The following LCLAT1 variants were observed in gnomAD, a reference collection of about 807,000 sequenced individuals.
LCLAT1 encodes lysocardiolipin acyltransferase 1.
A neutral mutation model predicts 30.7 loss-of-function variants in LCLAT1; 11 were observed. The ratio of observed to expected loss-of-function variants is 0.36; its 90% CI spans 0.23 to 0.59. LCLAT1 has a LOEUF of 0.59. Ranked by LOEUF, LCLAT1 falls within the 20% of genes least tolerant of loss-of-function variation. LCLAT1 has a pLI of 0.77. For missense variants in LCLAT1, 402 were observed against 458.6 expected, an observed-to-expected ratio of 0.88 and a Z score of 1.13; for synonymous variants, 155 against 151.3, an observed-to-expected ratio of 1.02 and a Z score of -0.18.
chr2:30,495,320 C>A (rs76922771), intron 1 of LCLAT1, among the ~76,000 whole-genome samples: 16,365 of 152,046 alleles, frequency 0.11, 1,161 homozygotes, highest in South Asian at 0.22. Flanking sequence ...AAAGGACCTT[C>A]AAGATCATCT....
rs375069411 is a variant in LCLAT1 at position 30,533,186 on chromosome 2, G to C, written c.236G>C (p.Ser79Thr). The stretch of plus-strand genomic sequence containing the variant: ...GATGCATTTGTTCCTGGAGAAAGAA[G>C]TGTCATTATCATGAACCATCGGACA... ...TGDAFVPGER[S>T]VIIMNHRTRM... The change falls in exon 3 of 6, where the codon AGT becomes ACT. Residue 79 changes from serine to threonine, a missense_variant. Coordinates refer to ENST00000379509, the MANE Select transcript of LCLAT1 (RefSeq NM_001002257.3). 8 of 1,614,050 alleles carry C rather than the reference G, an allele frequency of 5.0e-6. No homozygotes were observed. The African/African-American group carries it at 1.1e-4, about 22-fold the overall frequency.
intron 5 of LCLAT1, among the ~76,000 whole-genome samples, chr2:30,590,602 A>C (rs1666647516): frequency 6.6e-6 from 1 of 150,776 alleles, no homozygotes; most frequent in African/African-American, 2.4e-5. Flanking sequence ...ACGGAAATGA[A>C]GAAGCAAATT....
intron 1 of LCLAT1, among the ~76,000 whole-genome samples, chr2:30,464,340 T>A (rs1682315462): frequency 6.6e-6 from 1 of 152,212 alleles, no homozygotes; most frequent in Admixed American, 6.5e-5. Context: ...ATGAAACTGC[T>A]TGATTCTGGA....
At chr2:30,539,723 G>A (rs1664037482) in intron 3 of LCLAT1, among the ~76,000 whole-genome samples, 1 of 152,198 alleles carries the variant, frequency 6.6e-6, no homozygotes, top group South Asian at 2.1e-4. Flanking sequence ...TTCAACTCGG[G>A]TATAATTTCA....
intron 1 of LCLAT1, among the ~76,000 whole-genome samples, chr2:30,477,618 C>T (rs974647033): frequency 2.0e-5 from 3 of 152,136 alleles, no homozygotes; most frequent in South Asian, 2.1e-4. Flanking sequence ...TTCACTTCTG[C>T]GCATACCTAA....
At chr2:30,518,216 A>G (rs1305806475) in intron 1 of LCLAT1, among the ~76,000 whole-genome samples, 1 of 152,188 alleles carries the variant, frequency 6.6e-6, no homozygotes. Context: ...AATTCCCTTA[A>G]CCCAGCAGAT....
intron 1 of LCLAT1, among the ~76,000 whole-genome samples, chr2:30,465,710 A>G (rs887998323): frequency 4.6e-5 from 7 of 152,234 alleles, no homozygotes; most frequent in African/African-American, 1.7e-4. Flanking sequence ...CCTCAATAGT[A>G]AAGTTAATAA....
intron 5 of LCLAT1, among the ~76,000 whole-genome samples, chr2:30,602,047 G>C (rs940469846): frequency 1.3e-5 from 2 of 152,034 alleles, no homozygotes; most frequent in African/African-American, 4.8e-5. Flanking sequence ...CTTTCCTTTT[G>C]TTAGGTAGGA....
At chr2:30,557,275 G>C (rs1664964708) in intron 3 of LCLAT1, among the ~76,000 whole-genome samples, 1 of 139,046 alleles carries the variant, frequency 7.2e-6, no homozygotes, top group South Asian at 2.3e-4. Context: ...CAGTGTAGAA[G>C]GTATGATCGT....
intron 5 of LCLAT1, among the ~76,000 whole-genome samples, chr2:30,604,826 C>G (rs1345006122): frequency 6.6e-6 from 1 of 152,134 alleles, no homozygotes; most frequent in Non-Finnish European, 1.5e-5. Flanking sequence ...TTTTAGAGGA[C>G]AAACTAAGGA....
intron 2 of LCLAT1, among the ~76,000 whole-genome samples, chr2:30,531,274 A>G (rs1313705495): frequency 2.0e-5 from 3 of 152,140 alleles, no homozygotes; most frequent in African/African-American, 7.2e-5. Context: ...CAAAAGAAAA[A>G]AAAGAAAAAG....
At chr2:30,598,221 A>T (rs1667014231) in intron 5 of LCLAT1, among the ~76,000 whole-genome samples, 1 of 152,078 alleles carries the variant, frequency 6.6e-6, no homozygotes, top group African/African-American at 2.4e-5. Context: ...AAATGGTACC[A>T]GCTCCTTTTT....
At chr2:30,498,522 C>G (rs1401076604) in intron 1 of LCLAT1, among the ~76,000 whole-genome samples, 1 of 152,150 alleles carries the variant, frequency 6.6e-6, no homozygotes, top group Non-Finnish European at 1.5e-5. Context: ...GACATGGGCT[C>G]TTTCTTATCT....
chr2:30,533,333 A>G lies in LCLAT1; in HGVS notation c.364+19A>G, dbSNP rs1686073785. On this transcript the variant is annotated intron_variant, in intron 3 of 5. Transcript: ENST00000379509. Reference sequence around the variant, plus strand: ...GGATTTGGTAGGTTATTCACACATTATTTTAAGTGGTTCATTCATTTTAGA... The same window carrying G: ...GGATTTGGTAGGTTATTCACACATTGTTTTAAGTGGTTCATTCATTTTAGA... The G allele has an allele frequency of 6.3e-7, 1 of 1,598,836 alleles. No homozygotes were observed. Among genetic ancestry groups the G allele is most frequent in the East Asian group, 2.2e-5 (1 of 44,788 alleles).
chr2:30,474,426 G>GT (rs1269013511), intron 1 of LCLAT1, among the ~76,000 whole-genome samples: 1 of 152,142 alleles, frequency 6.6e-6, no homozygotes, highest in African/African-American at 2.4e-5. Flanking sequence ...GTTAAAAGAT[G>GT]TTTTTTAAAT....
chr2:30,504,643 G>C (rs1684568484), intron 1 of LCLAT1, among the ~76,000 whole-genome samples: 1 of 152,148 alleles, frequency 6.6e-6, no homozygotes, highest in South Asian at 2.1e-4. Context: ...AAAAATAGCA[G>C]TTACTGACAG....
chr2:30,556,074 G>A (rs752081438), intron 3 of LCLAT1, among the ~76,000 whole-genome samples: 2 of 151,908 alleles, frequency 1.3e-5, no homozygotes, highest in African/African-American at 2.4e-5. Flanking sequence ...GATTATAGTC[G>A]TGAGCCACCG....
chr2:30,563,656 A>G (rs547535047), intron 4 of LCLAT1, among the ~76,000 whole-genome samples: 1 of 152,310 alleles, frequency 6.6e-6, no homozygotes, highest in African/African-American at 2.4e-5. Context: ...AATTTTTGGT[A>G]ATAGACTAAG....
chr2:30,481,180 A>T (rs1683302190), intron 1 of LCLAT1, among the ~76,000 whole-genome samples: 1 of 152,178 alleles, frequency 6.6e-6, no homozygotes, highest in Non-Finnish European at 1.5e-5. Flanking sequence ...ACAGAGGTAG[A>T]AGGGGAGTGG....
Sources: allele counts gnomAD v4.1 joint callset (sites outside exome capture counted in the v4.1 genomes callset), GRCh38; gene constraint gnomAD v4.1.1; transcripts MANE v1.5; gene names NCBI Gene and HGNC (gene_info 2026-07-23, HGNC 2026-07-21).